AOAH: variants seen among roughly 807,000 people sequenced by gnomAD.
AOAH encodes the protein acyloxyacyl hydrolase.
Under a neutral mutation model 92.2 loss-of-function variants are expected in AOAH, and 64 were observed. The ratio of observed to expected loss-of-function variants is 0.69; its 90% CI spans 0.57 to 0.86. The LOEUF is 0.86. AOAH is among the 40% of genes least tolerant of loss of function. The pLI, the probability that AOAH is intolerant of heterozygous loss-of-function variation, is 0.00. For missense variants in AOAH, 656 were observed against 694.6 expected, an observed-to-expected ratio of 0.94 and a Z score of 0.62; for synonymous variants, 263 against 254.5, an observed-to-expected ratio of 1.03 and a Z score of -0.32.
chr7:36,638,409 G>A (rs1193479451), intron 4 of AOAH, among the ~76,000 whole-genome samples: 1 of 152,208 alleles, frequency 6.6e-6, no homozygotes, highest in Non-Finnish European at 1.5e-5. Context: ...TCATCTCTCA[G>A]TCACCTCCTC....
At chr7:36,723,925 T>C in intron 1 of AOAH, 97 bp downstream of exon 1, 1 of 1,386,810 alleles carries the variant, frequency 7.2e-7, no homozygotes, top group Non-Finnish European at 9.7e-7. Flanking sequence ...ATCTTACAAT[T>C]CTTGATTTAA....
intron 5 of AOAH, among the ~76,000 whole-genome samples, chr7:36,637,266 T>C (rs551482663): frequency 6.6e-6 from 1 of 152,224 alleles, no homozygotes; most frequent in Non-Finnish European, 1.5e-5. Flanking sequence ...AGATCCCAGA[T>C]GCTCTCTGCA....
At chr7:36,515,415 A>C (rs1783578314) in intron 20 of AOAH, among the ~76,000 whole-genome samples, 1 of 92,922 alleles carries the variant, frequency 1.1e-5, no homozygotes, top group Non-Finnish European at 2.1e-5. Flanking sequence ...CACAAACATC[A>C]CACACACCCC....
chr7:36,639,911 G>C (rs1793783659), intron 4 of AOAH, among the ~76,000 whole-genome samples: 1 of 152,200 alleles, frequency 6.6e-6, no homozygotes, highest in Non-Finnish European at 1.5e-5. Flanking sequence ...ATCCCTTTGA[G>C]AGAACCAATC....
At chr7:36,702,600 C>A (rs188004181) in intron 1 of AOAH, among the ~76,000 whole-genome samples, 3 of 152,264 alleles carry the variant, frequency 2.0e-5, no homozygotes, top group Non-Finnish European at 4.4e-5. Context: ...ATACTGGAGT[C>A]TTTTAAATGT....
intron 2 of AOAH, among the ~76,000 whole-genome samples, chr7:36,681,279 A>G (rs927081101): frequency 1.3e-5 from 2 of 152,350 alleles, no homozygotes; most frequent in South Asian, 4.1e-4. Context: ...ACAAATTGTG[A>G]ATGTTCAATA....
intron 1 of AOAH, among the ~76,000 whole-genome samples, chr7:36,698,395 G>T (rs1452330844): frequency 6.6e-6 from 1 of 151,824 alleles, no homozygotes; most frequent in Non-Finnish European, 1.5e-5. Context: ...TGGTTTCATC[G>T]ATTCTCTCTA....
At chr7:36,681,510 T>C (rs1796641853) in intron 2 of AOAH, among the ~76,000 whole-genome samples, 1 of 152,132 alleles carries the variant, frequency 6.6e-6, no homozygotes, top group African/African-American at 2.4e-5. Context: ...AGCAGAATTT[T>C]GAAATCTCTT....
At chr7:36,646,591 C>T (rs1299670193) in intron 4 of AOAH, among the ~76,000 whole-genome samples, 1 of 152,168 alleles carries the variant, frequency 6.6e-6, no homozygotes, top group African/African-American at 2.4e-5. Flanking sequence ...AACTAATGAC[C>T]GTAAACGTAG....
intron 5 of AOAH, 106 bp downstream of exon 5, chr7:36,637,745 C>T: frequency 1.0e-6 from 1 of 987,784 alleles, no homozygotes; most frequent in South Asian, 1.4e-5. Context: ...TGGCATGTTG[C>T]AGGCTTATAT....
intron 4 of AOAH, among the ~76,000 whole-genome samples, chr7:36,645,409 G>A (rs1255471115): frequency 1.3e-5 from 2 of 152,168 alleles, no homozygotes; most frequent in Non-Finnish European, 2.9e-5. Flanking sequence ...GGTTTGTAAG[G>A]CACACAGTCT....
At chr7:36,649,304 A>G (rs1257016564) in intron 4 of AOAH, among the ~76,000 whole-genome samples, 1 of 152,138 alleles carries the variant, frequency 6.6e-6, no homozygotes, top group Non-Finnish European at 1.5e-5. Context: ...AATGGGAGAG[A>G]CTTGAGCGGG....
chr7:36,591,617 C>T (rs1375431648), intron 12 of AOAH, among the ~76,000 whole-genome samples: 1 of 152,174 alleles, frequency 6.6e-6, no homozygotes, highest in African/African-American at 2.4e-5. Context: ...GGGCACTGAT[C>T]AGGATGATGG....
In AOAH at chr7:36,528,969, A is replaced by T. The variant is rs757587537; in HGVS notation, c.1522+1449T>A. Among the ~76,000 whole-genome samples, 61 of 152,178 alleles carry T rather than the reference A, an allele frequency of 4.0e-4. 3 individuals are homozygous for T. The highest frequency in any genetic ancestry group is 7.4e-5 in the Non-Finnish European group (5 of 68,024). ...GTAGGGCCTGGAATTCTGCATTTATAACCAGCTCCTGGGTGGTGTTGATTT... is the reference window on the plus strand; with the variant it reads ...GTAGGGCCTGGAATTCTGCATTTATTACCAGCTCCTGGGTGGTGTTGATTT... On this transcript the variant is annotated intron_variant, in intron 19 of 20. Coordinates refer to ENST00000617537, the MANE Select transcript of AOAH (RefSeq NM_001637.4).
intron 11 of AOAH, among the ~76,000 whole-genome samples, chr7:36,607,724 C>T (rs1249913015): frequency 6.6e-6 from 1 of 152,212 alleles, no homozygotes. Context: ...ATTATCTGCA[C>T]CCAGGGATGG....
chr7:36,576,588 T>C lies in AOAH; in HGVS notation c.1007A>G (p.Asn336Ser). 6.4e-7 allele frequency: 1 copy of C among 1,572,676 alleles called. No individual in the cohort carries two copies. The highest frequency in any genetic ancestry group is 8.7e-7 in the Non-Finnish European group (1 of 1,154,480). ...RNHCNHRDYQ[N>S]ISRNGASSRN... is the part of the protein sequence containing the mutation. ...AAGTTACGTACCATTTCTTGAAATA[T>C]TCTGGTAGTCCCTGTGATTACAGTG... Residue 336 changes from asparagine (N) to serine (S), a missense_variant, in exon 13 of 21, where the codon AAT becomes AGT. Asn to Ser is a conservative substitution (Grantham distance 46). Transcript: ENST00000617537.
intron 1 of AOAH, among the ~76,000 whole-genome samples, chr7:36,699,814 C>T (rs926750193): frequency 4.0e-5 from 6 of 151,874 alleles, no homozygotes; most frequent in African/African-American, 1.5e-4. Context: ...TCTCATTTGT[C>T]TAATTTTCTT....
chr7:36,594,535 A>C, intron 11 of AOAH, 105 bp from the exon 12 acceptor site: 1 of 936,636 alleles, frequency 1.1e-6, no homozygotes, highest in South Asian at 1.4e-5. Flanking sequence ...TCTGTTTCCC[A>C]CTCTCAATCT....
intron 1 of AOAH, among the ~76,000 whole-genome samples, chr7:36,717,686 CT>C (rs964750205): frequency 2.0e-5 from 3 of 149,260 alleles, no homozygotes; most frequent in Admixed American, 6.7e-5. Context: ...AAAATTCACT[CT>C]TGTAATTCTC....
Sources: gnomAD v4.1 joint callset for allele counts (sites outside exome capture counted in the v4.1 genomes callset) on GRCh38, gnomAD v4.1.1 for gene constraint, MANE v1.5 for transcripts, NCBI Gene and HGNC (gene_info 2026-07-23, HGNC 2026-07-21) for gene names.